SIPA1L1: variants seen among roughly 807,000 people sequenced by gnomAD.
SIPA1L1 encodes signal induced proliferation associated 1 like 1.
A neutral mutation model predicts 162.7 loss-of-function variants in SIPA1L1; 26 were observed. That is an observed-to-expected ratio of 0.16 (90% CI 0.12 to 0.22). The LOEUF (loss-of-function observed/expected upper bound fraction) is 0.22. Ranked by LOEUF, SIPA1L1 falls within the 10% of genes least tolerant of loss-of-function variation. The probability of loss-of-function intolerance (pLI) is 1.00; values close to 1 mark genes in which losing one functional copy is unlikely to be tolerated. For missense variants in SIPA1L1, 1,874 were observed against 2,241.0 expected (o/e 0.84, Z 3.31); for synonymous variants, 829 against 837.4 (o/e 0.99, Z 0.17).
chr14:71,331,194 G>C (rs554517734), intron 2 of SIPA1L1, among the ~76,000 whole-genome samples: 1 of 152,278 alleles, frequency 6.6e-6, no homozygotes, highest in Non-Finnish European at 1.5e-5. Flanking sequence ...ACCCTTGCCA[G>C]AAATCATTTG....
chr14:71,582,530 G>A (rs1395985331), intron 4 of SIPA1L1, among the ~76,000 whole-genome samples: 1 of 152,134 alleles, frequency 6.6e-6, no homozygotes, highest in Non-Finnish European at 1.5e-5. Context: ...ACGAGGGTGA[G>A]TGGGAGGGAA....
At chr14:71,384,598 C>T (rs2040169431) in intron 2 of SIPA1L1, among the ~76,000 whole-genome samples, 1 of 152,184 alleles carries the variant, frequency 6.6e-6, no homozygotes, top group Non-Finnish European at 1.5e-5. Context: ...ATGTATGGGC[C>T]AGCAAAACAT....
chr14:71,502,186 T>A (rs1468365737), intron 2 of SIPA1L1, among the ~76,000 whole-genome samples: 1 of 145,758 alleles, frequency 6.9e-6, no homozygotes, highest in African/African-American at 2.5e-5. Context: ...CTTCATGGAC[T>A]GATGCTTTTA....
At chr14:71,666,252 A>G (rs2043992841) in intron 10 of SIPA1L1, among the ~76,000 whole-genome samples, 1 of 152,222 alleles carries the variant, frequency 6.6e-6, no homozygotes, top group Non-Finnish European at 1.5e-5. Context: ...CAAAAGACAG[A>G]GGAACATGTT....
intron 2 of SIPA1L1, chr14:71,416,326 A>G (rs2042759816): frequency 2.0e-5 from 3 of 152,308 alleles, no homozygotes; most frequent in Admixed American, 2.0e-4. Context: ...GACTCAAGAC[A>G]GAGCATTTTG....
At chr14:71,711,607 G>T (rs2082880426) in intron 17 of SIPA1L1, among the ~76,000 whole-genome samples, 1 of 152,210 alleles carries the variant, frequency 6.6e-6, no homozygotes, top group South Asian at 2.1e-4. Context: ...AGATTGGAAA[G>T]AGCTGGGCCC....
At chr14:71,584,595 G>A (rs78574065) in intron 4 of SIPA1L1, among the ~76,000 whole-genome samples, 1,557 of 152,296 alleles carry the variant, frequency 0.01, 15 homozygotes, top group Non-Finnish European at 0.015. Flanking sequence ...TGGATGAGAG[G>A]AGGAAGCATT....
intron 2 of SIPA1L1, among the ~76,000 whole-genome samples, chr14:71,351,670 C>T (rs1042347254): frequency 6.6e-6 from 1 of 152,128 alleles, no homozygotes; most frequent in Non-Finnish European, 1.5e-5. Flanking sequence ...TGAGAAGTCT[C>T]AAAACCATGT....
chr14:71,355,243 G>C (rs1212282218), intron 2 of SIPA1L1, among the ~76,000 whole-genome samples: 6 of 152,182 alleles, frequency 3.9e-5, no homozygotes, highest in Admixed American at 1.3e-4. Context: ...TCTTTGCCAA[G>C]TAATTGTATA....
intron 4 of SIPA1L1, among the ~76,000 whole-genome samples, chr14:71,566,754 G>A (rs2030690327): frequency 6.6e-6 from 1 of 152,108 alleles, no homozygotes; most frequent in Non-Finnish European, 1.5e-5. Flanking sequence ...AGAAAATATG[G>A]GAAGACATCT....
chr14:71,629,442 A>G (rs1049322904), intron 7 of SIPA1L1, among the ~76,000 whole-genome samples: 3 of 152,196 alleles, frequency 2.0e-5, no homozygotes, highest in Non-Finnish European at 4.4e-5. Flanking sequence ...TAGAGCCTGC[A>G]TTCTCAACCA....
At chr14:71,644,425 C>T (rs2041986633) in intron 7 of SIPA1L1, among the ~76,000 whole-genome samples, 1 of 151,972 alleles carries the variant, frequency 6.6e-6, no homozygotes, top group African/African-American at 2.4e-5. Flanking sequence ...TTTACAGAGA[C>T]AGGGTCTCAC....
At chr14:71,502,255 A>AAAATATATATAT (rs67020418) in intron 2 of SIPA1L1, among the ~76,000 whole-genome samples, 5 of 97,552 alleles carry the variant, frequency 5.1e-5, no homozygotes, top group African/African-American at 1.8e-4. Context: ...AAAAAAAAAA[A>AAAATATATATAT]ATATATATAT....
intron 2 of SIPA1L1, among the ~76,000 whole-genome samples, chr14:71,468,492 G>A (rs2047200414): frequency 6.6e-6 from 1 of 152,074 alleles, no homozygotes; most frequent in Non-Finnish European, 1.5e-5. Flanking sequence ...AGATTGGCAG[G>A]GGTGGGTGCC....
chr14:71,525,834 T>C (rs546503149), intron 3 of SIPA1L1, among the ~76,000 whole-genome samples: 1 of 152,374 alleles, frequency 6.6e-6, no homozygotes. Flanking sequence ...TGTTACTTTT[T>C]AAATTCTGTA....
At position 71,709,728 on chromosome 14, in the gene SIPA1L1, C is replaced by T. The variant is rs564284284; in HGVS notation, c.4208+64C>T. 2.0e-4 allele frequency: 285 copies of T among 1,411,276 alleles called. 1 individual carries two copies. The African/African-American group carries it at 3.6e-3, about 18-fold the overall frequency. The allele number at this position is 1,411,276 out of a possible 1,614,324, so 87.4% of individuals were successfully genotyped here. ...CCTAAGCCCAGTTCCCTGGCCTCAGCCCACTTTACTTTGCTCAATAGTGTA... is the reference window on the plus strand; with the variant it reads ...CCTAAGCCCAGTTCCCTGGCCTCAGTCCACTTTACTTTGCTCAATAGTGTA... On this transcript the variant is annotated intron_variant, in intron 17 of 23. Coordinates refer to ENST00000381232, the MANE Select transcript of SIPA1L1 (RefSeq NM_001386936.1).
intron 2 of SIPA1L1, among the ~76,000 whole-genome samples, chr14:71,375,304 T>C (rs1267080512): frequency 6.6e-6 from 1 of 152,172 alleles, no homozygotes; most frequent in Non-Finnish European, 1.5e-5. Flanking sequence ...TTTTCCCATT[T>C]TGGTGGGAAA....
chr14:71,580,218 G>A (rs535574710), intron 4 of SIPA1L1, among the ~76,000 whole-genome samples: 1 of 152,140 alleles, frequency 6.6e-6, no homozygotes, highest in East Asian at 1.9e-4. Flanking sequence ...CTGATACCAC[G>A]TAGCACTTTA....
At chr14:71,331,987 T>C (rs1259012515) in intron 2 of SIPA1L1, among the ~76,000 whole-genome samples, 1 of 152,238 alleles carries the variant, frequency 6.6e-6, no homozygotes, top group African/African-American at 2.4e-5. Context: ...AGAAATATTT[T>C]CTCATCATCT....
Sources: gnomAD v4.1 joint callset for allele counts (sites outside exome capture counted in the v4.1 genomes callset) on GRCh38, gnomAD v4.1.1 for gene constraint, MANE v1.5 for transcripts, NCBI Gene and HGNC (gene_info 2026-07-23, HGNC 2026-07-21) for gene names.